Variants in SPTBN2 observed in about 807,000 individuals in gnomAD.
The protein encoded by SPTBN2 is spectrin beta chain, non-erythrocytic 2.
In SPTBN2, 107 loss-of-function variants were observed where a neutral mutation model predicts 284.2. The observed-to-expected ratio is 0.38, with a 90% confidence interval of 0.32 to 0.44. The LOEUF (loss-of-function observed/expected upper bound fraction) is 0.44. Among genes scored for constraint, SPTBN2 ranks in the 20% least tolerant of loss-of-function variants. SPTBN2 has a pLI of 1.00. For synonymous variants in SPTBN2, 1,289 were observed against 1,354.8 expected, an observed-to-expected ratio of 0.95 and a Z score of 1.07; for missense variants, 2,569 against 3,287.1, an observed-to-expected ratio of 0.78 and a Z score of 5.34.
intron 1 of SPTBN2, among the ~76,000 whole-genome samples, chr11:66,742,376 C>A (rs938057591): frequency 2.0e-5 from 3 of 152,100 alleles, no homozygotes; most frequent in African/African-American, 2.4e-5. Context: ...CTCCCTATGT[C>A]CAGTAGGGAG....
At position 66,700,416 on chromosome 11, in the gene SPTBN2, C is replaced by T. The variant is rs11227574; in HGVS notation, c.3573+110G>A. On this transcript the variant is annotated intron_variant, in intron 17 of 37. Transcript: ENST00000533211. This position sits in a 1 kb window ranked among gnomAD's most constrained non-coding sequence, Gnocchi z 6.6. ...CTGGAATTTCAGGTGTGAACCACTG[C>T]GCTGCCCCATTTTGCTAGCATGTCC... 7,564 of 1,481,088 alleles carry T rather than the reference C, an allele frequency of 5.1e-3. 455 individuals carry two copies. The East Asian group carries it at 0.14, about 27-fold the overall frequency. The allele number at this position is 1,481,088 out of a possible 1,614,324, so 91.7% of individuals were successfully genotyped here.
rs368782432 is a variant in SPTBN2, at chr11:66,688,263, G to A, written c.6280C>T (p.Arg2094Trp). The A allele has an allele frequency of 1.6e-5, 26 of 1,612,332 alleles. No individual in the cohort carries two copies. The highest frequency in any genetic ancestry group is 5.0e-5 in the Admixed American group (3 of 59,850). ...TCGGGAGCAGGCGGCTGTTTCCGCC[G>A]CTCCTCCTCCTCCCTCTTTCTCTTT... ...ERKRKREEEE[R>W]RKQPPAPEPT... The change falls in exon 32 of 38, where the codon CGG (arginine) becomes TGG (tryptophan). Residue 2094 changes from arginine (R) to tryptophan (W), a missense_variant. This residue lies in a region of SPTBN2 where 1,130 missense variants were observed against 1,317.3 expected (regional missense o/e 0.86). Transcript: ENST00000533211.
At chr11:66,743,740 GTGGAAAGGGGCC>G in intron 1 of SPTBN2, among the ~76,000 whole-genome samples, 1 of 152,306 alleles carries the variant, frequency 6.6e-6, no homozygotes, top group South Asian at 2.1e-4. Context: ...GCAGTCAAAC[GTGGAAAGGGGCC>G]TGGATAGGGA....
Position 66,699,419 on chromosome 11 carries a change from A to C in SPTBN2, c.3763T>G (p.Ser1255Ala), listed in dbSNP as rs1487650023. Reference sequence around the variant, plus strand: ...TCCTCATCAGACCTCCTCTCAATGGAGTCTGCCTTTTCCCGAATCTTGTCG... The same window carrying C: ...TCCTCATCAGACCTCCTCTCAATGGCGTCTGCCTTTTCCCGAATCTTGTCG... ...HADKIREKAD[S>A]IERRHKKNQD... The change falls in exon 18 of 38, where the codon TCC (serine) becomes GCC (alanine). Residue 1255 changes from serine to alanine, a missense_variant. This residue lies in a region of SPTBN2 where 1,012 missense variants were observed against 1,248.9 expected (regional missense o/e 0.81). Coordinates refer to ENST00000533211, the MANE Select transcript of SPTBN2 (RefSeq NM_006946.4). The C allele has an allele frequency of 6.2e-7, 1 of 1,613,958 alleles. No homozygotes were observed. Among genetic ancestry groups the C allele is most frequent in the South Asian group, 1.1e-5 (1 of 91,068 alleles).
At chr11:66,711,800 G>A (rs192782315) in intron 8 of SPTBN2, among the ~76,000 whole-genome samples, 59 of 152,328 alleles carry the variant, frequency 3.9e-4, no homozygotes, top group African/African-American at 1.4e-3. Flanking sequence ...TCCAGGTTCT[G>A]AATTACAGCC....
chr11:66,694,932 T>G (rs1396863780), intron 21 of SPTBN2, among the ~76,000 whole-genome samples: 4 of 152,222 alleles, frequency 2.6e-5, no homozygotes. Flanking sequence ...CTGTCCACAG[T>G]GCGCAAGAGA....
intron 1 of SPTBN2, among the ~76,000 whole-genome samples, chr11:66,740,011 A>G (rs555150982): frequency 1.4e-4 from 21 of 152,342 alleles, no homozygotes; most frequent in Non-Finnish European, 2.8e-4. Flanking sequence ...CAGCCCAGGC[A>G]ACAAGAACAA....
At position 66,707,746 on chromosome 11, in the gene SPTBN2, C is replaced by T. The variant is rs755546825; in HGVS notation, c.1423G>A (p.Val475Met). 7 of 1,606,816 alleles carry T rather than the reference C, an allele frequency of 4.4e-6. No individual in the cohort carries two copies. Among genetic ancestry groups the T allele is most frequent in the Middle Eastern group, 1.7e-4 (1 of 6,058 alleles). Residue 475 changes from valine to methionine, a missense_variant, in exon 13 of 38, where the codon GTG (valine) becomes ATG (methionine). Around this residue, in one of 6 missense-constraint regions of SPTBN2, gnomAD observed 1,012 missense variants for 1,248.9 expected, o/e 0.81. Coordinates refer to ENST00000533211, the MANE Select transcript of SPTBN2 (RefSeq NM_006946.4). This position sits in a 1 kb window ranked among gnomAD's most constrained non-coding sequence, Gnocchi z 4.9. ...RKHEAIETDI[V>M]AYSGRVQAVD... ...GCCTGCACCCGGCCGCTGTAGGCCA[C>T]GATGTCCGTCTCAATGGCTTCGTGC... is the stretch of plus-strand genomic sequence containing the variant.
In SPTBN2 at chr11:66,721,078, C is replaced by A; in HGVS notation, c.157+6G>T. On this transcript the variant is annotated splice_donor_region_variant and intron_variant, in intron 3 of 37. Coordinates refer to ENST00000533211, the MANE Select transcript of SPTBN2 (RefSeq NM_006946.4). ...TCCCCCCACCTCGACCCTCCTCTGA[C>A]CTCACCTGCCAGAGCCTTAATGCGA... 6.2e-7 allele frequency: 1 copy of A among 1,614,220 alleles called. No individual in the cohort carries two copies. The highest frequency in any genetic ancestry group is 8.5e-7 in the Non-Finnish European group (1 of 1,180,032).
chr11:66,696,725 C>G (rs1940936214), intron 20 of SPTBN2, among the ~76,000 whole-genome samples, 185 bp from the exon 21 acceptor site: 1 of 152,212 alleles, frequency 6.6e-6, no homozygotes, highest in East Asian at 1.9e-4. Flanking sequence ...GCTGTTCCCT[C>G]ACTGCTGATG....
chr11:66,705,233 G>C lies in SPTBN2; in HGVS notation c.2043C>G (p.Asn681Lys), dbSNP rs900208502. ...RDLTGALRLLNKHTALRGEMS... is the reference protein window; with the variant it reads ...RDLTGALRLLKKHTALRGEMS... ...TCTCGCCCCGCAGGGCTGTGTGCTT[G>C]TTGAGCAGGCGGAGGGCACCGGTCA... Residue 681 changes from asparagine to lysine, a missense_variant, in exon 15 of 38, where the codon AAC becomes AAG. Asn to Lys is a moderately conservative substitution (Grantham distance 94). Transcript: ENST00000533211. 1 of 1,558,010 alleles carries C rather than the reference G, an allele frequency of 6.4e-7. No homozygotes were observed. The highest frequency in any genetic ancestry group is 8.6e-7 in the Non-Finnish European group (1 of 1,157,370).
At position 66,701,634 on chromosome 11, in the gene SPTBN2, G is replaced by T. The variant is rs747556436; in HGVS notation, c.2766C>A (p.Asn922Lys). Residue 922 changes from asparagine (N) to lysine (K), a missense_variant, in exon 16 of 38, where the codon AAC (asparagine) becomes AAA (lysine). This residue lies in a region of SPTBN2 where 1,012 missense variants were observed against 1,248.9 expected (regional missense o/e 0.81). Coordinates refer to ENST00000533211, the MANE Select transcript of SPTBN2 (RefSeq NM_006946.4). ...NDIAEQLLKA[N>K]PPGKDRIVNT... Reference sequence around the variant, plus strand: ...TGACAATGCGGTCTTTGCCTGGGGGGTTGGCCTTCAGTAACTGCTCGGCAA... The same window carrying T: ...TGACAATGCGGTCTTTGCCTGGGGGTTTGGCCTTCAGTAACTGCTCGGCAA... The T allele has an allele frequency of 3.7e-6, 6 of 1,614,110 alleles. No individual in the cohort carries two copies. In the Admixed American group the frequency reaches 5.0e-5, roughly 13 times the overall value.
intron 15 of SPTBN2, among the ~76,000 whole-genome samples, chr11:66,704,026 G>C (rs1446283201): frequency 6.9e-6 from 1 of 145,534 alleles, no homozygotes; most frequent in African/African-American, 2.5e-5. Context: ...AGGCTGGAGA[G>C]CAGTGGCACG....
In SPTBN2 at chr11:66,708,693, C is replaced by G. The variant is rs1941696763; in HGVS notation, c.1191+209G>C. On this transcript the variant is annotated intron_variant, in intron 11 of 37. Transcript: ENST00000533211. This position sits in a 1 kb window ranked among gnomAD's most constrained non-coding sequence, Gnocchi z 4.4. ...ATGTGACCTCGTATGGAGAGTCAGA[C>G]AAAGGGACAGGGAGCCGTGTGCCTG... Among the ~76,000 whole-genome samples, 1 of 152,152 alleles carries G rather than the reference C, an allele frequency of 6.6e-6. No individual in the cohort carries two copies. Among genetic ancestry groups the G allele is most frequent in the Non-Finnish European group, 1.5e-5 (1 of 68,024 alleles).
chr11:66,691,452 C>G lies in SPTBN2; in HGVS notation c.5397G>C (p.Ala1799=). 6.2e-7 allele frequency: 1 copy of G among 1,611,778 alleles called. No individual in the cohort carries two copies. Among genetic ancestry groups the G allele is most frequent in the Non-Finnish European group, 8.5e-7 (1 of 1,179,894 alleles). The change falls in exon 27 of 38, where the codon GCG becomes GCC. Residue 1799 remains alanine, a synonymous_variant. Coordinates refer to ENST00000533211, the MANE Select transcript of SPTBN2 (RefSeq NM_006946.4). This position sits in a 1 kb window ranked among gnomAD's most constrained non-coding sequence, Gnocchi z 8.0. ...GCAGGAAGCGCTGCAGCTCGTACGCCGCGGCCAGCACCTGACCCCGTGTGT... is the reference window on the plus strand; with the variant it reads ...GCAGGAAGCGCTGCAGCTCGTACGCGGCGGCCAGCACCTGACCCCGTGTGT... ...LLDTRGQVLA[A]AYELQRFLHG...
chr11:66,737,020 G>T (rs1039066546), intron 1 of SPTBN2, among the ~76,000 whole-genome samples: 1 of 152,172 alleles, frequency 6.6e-6, no homozygotes, highest in Non-Finnish European at 1.5e-5. Flanking sequence ...GTAAATCAGG[G>T]ATAATTTTAC....
intron 8 of SPTBN2, among the ~76,000 whole-genome samples, chr11:66,711,529 T>C (rs1941866863): frequency 6.6e-6 from 1 of 152,150 alleles, no homozygotes; most frequent in African/African-American, 2.4e-5. Context: ...CATCTCCAGG[T>C]GTGATCACGC....
chr11:66,689,464 G>A, intron 29 of SPTBN2: 1 of 521,332 alleles, frequency 1.9e-6, no homozygotes. Flanking sequence ...AGTGGAAACG[G>A]GGTTTCACCA....
intron 36 of SPTBN2, 102 bp downstream of exon 36, chr11:66,686,892 G>C: frequency 6.6e-7 from 1 of 1,523,234 alleles, no homozygotes; most frequent in Non-Finnish European, 9.0e-7. Context: ...ACTCCACTCA[G>C]GCTCCTTACA....
Sources: allele counts gnomAD v4.1 joint callset (sites outside exome capture counted in the v4.1 genomes callset), GRCh38; gene constraint gnomAD v4.1.1; regional missense constraint gnomAD v4.1.1; non-coding constraint Gnocchi (gnomAD v3.1); transcripts MANE v1.5; gene names NCBI Gene and HGNC (gene_info 2026-07-23, HGNC 2026-07-21).